ADAMTS14: variants seen among roughly 807,000 people sequenced by gnomAD.
ADAMTS14 encodes A disintegrin and metalloproteinase with thrombospondin motifs 14.
A neutral mutation model predicts 128.6 loss-of-function variants in ADAMTS14; 100 were observed. That is an observed-to-expected ratio of 0.78 (90% CI 0.66 to 0.92). The LOEUF (loss-of-function observed/expected upper bound fraction) is 0.92. Among genes scored for constraint, ADAMTS14 ranks in the 40% least tolerant of loss-of-function variants. The probability of loss-of-function intolerance (pLI) is 0.00; values close to 1 mark genes in which losing one functional copy is unlikely to be tolerated. For synonymous variants in ADAMTS14, 665 were observed against 653.8 expected (o/e 1.02, Z -0.26); for missense variants, 1,562 against 1,658.6 (o/e 0.94, Z 1.01).
At chr10:70,692,418 A>C (rs1028137698) in intron 2 of ADAMTS14, among the ~76,000 whole-genome samples, 1 of 152,194 alleles carries the variant, frequency 6.6e-6, no homozygotes, top group Non-Finnish European at 1.5e-5. Flanking sequence ...CACAGCTGGG[A>C]AGGACCCTGC....
chr10:70,696,042 C>T (rs566786407), intron 2 of ADAMTS14, among the ~76,000 whole-genome samples: 6 of 152,184 alleles, frequency 3.9e-5, no homozygotes, highest in Non-Finnish European at 8.8e-5. Flanking sequence ...GTGTAGACAA[C>T]GCTTTCTGCT....
intron 11 of ADAMTS14, among the ~76,000 whole-genome samples, chr10:70,740,450 T>A (rs1175866430): frequency 1.3e-5 from 2 of 152,196 alleles, no homozygotes; most frequent in Non-Finnish European, 2.9e-5. Context: ...CAAGGGGAAA[T>A]TAAGCCACAG....
At chr10:70,679,492 G>T (rs1839738771) in intron 2 of ADAMTS14, among the ~76,000 whole-genome samples, 1 of 152,186 alleles carries the variant, frequency 6.6e-6, no homozygotes, top group Admixed American at 6.5e-5. Context: ...TGGAGAAGTT[G>T]TGGCGTGCAA....
At position 70,684,538 on chromosome 10, in the gene ADAMTS14, C is replaced by T. The variant is rs77636597; in HGVS notation, c.522+9543C>T. Among the ~76,000 whole-genome samples the T allele has an allele frequency of 8.7e-3, 1,330 of 152,318 alleles. 16 individuals carry two copies. Among genetic ancestry groups the T allele is most frequent in the African/African-American group, 0.031 (1,275 of 41,564 alleles). ...CTTTGCAAATATTCTTCCACATTGC[C>T]CCTAGGCAAGTGATTTGACGTCTCT... On this transcript the variant is annotated intron_variant, in intron 2 of 21. Coordinates refer to ENST00000373207, the MANE Select transcript of ADAMTS14 (RefSeq NM_080722.4).
At chr10:70,721,240 G>T (rs1426533813) in intron 4 of ADAMTS14, among the ~76,000 whole-genome samples, 6 of 151,580 alleles carry the variant, frequency 4.0e-5, no homozygotes, top group South Asian at 2.1e-4. Flanking sequence ...GGTAAGGCTG[G>T]TCTCCAACTC....
At chr10:70,689,128 C>A (rs1840109288) in intron 2 of ADAMTS14, among the ~76,000 whole-genome samples, 2 of 141,616 alleles carry the variant, frequency 1.4e-5, no homozygotes, top group Non-Finnish European at 3.2e-5. Context: ...GCCTTTGAGG[C>A]TTTGTCACTT....
At chr10:70,688,027 C>T (rs1258380676) in intron 2 of ADAMTS14, among the ~76,000 whole-genome samples, 3 of 60,404 alleles carry the variant, frequency 5.0e-5, no homozygotes, top group East Asian at 1.0e-3. Flanking sequence ...CCTCACTTCC[C>T]AGATGGGGTG....
Position 70,757,964 on chromosome 10 carries a change from C to T in ADAMTS14, c.2940C>T (p.Cys980=), listed in dbSNP as rs141787726. 1.2e-6 allele frequency: 2 copies of T among 1,608,722 alleles called. No homozygotes were observed. The highest frequency in any genetic ancestry group is 1.3e-5 in the African/African-American group (1 of 74,902). Residue 980 remains cysteine (C), a splice_region_variant and synonymous_variant, in exon 20 of 22, where the codon TGC becomes TGT. Transcript: ENST00000373207. ...TGGCACTGACCCACCCACGGCAGTG[C>T]TCTGCCACCTGTGGAGAGGGCATCC... ...AQWRLGAWSQ[C]SATCGEGIQQ... is the part of the protein sequence containing the mutation.
At chr10:70,716,596 C>A (rs569398505) in intron 4 of ADAMTS14, among the ~76,000 whole-genome samples, 1 of 152,188 alleles carries the variant, frequency 6.6e-6, no homozygotes, top group Non-Finnish European at 1.5e-5. Context: ...GGATGCTTGA[C>A]GCTCGAATTG....
At chr10:70,741,201 G>A (rs1235742289) in intron 12 of ADAMTS14, 39 bp downstream of exon 12, 1 of 1,599,906 alleles carries the variant, frequency 6.3e-7, no homozygotes. Context: ...CATGTCCTTA[G>A]GCATCTGCGG....
chr10:70,714,675 A>G (rs7078562), intron 4 of ADAMTS14, among the ~76,000 whole-genome samples: 89,456 of 151,954 alleles, frequency 0.59, 27,321 homozygotes, highest in East Asian at 0.8. Flanking sequence ...TTGGCCAGGT[A>G]CAGTGGCTCA....
chr10:70,722,396 G>A (rs555508969), intron 4 of ADAMTS14, among the ~76,000 whole-genome samples: 2 of 152,188 alleles, frequency 1.3e-5, no homozygotes, highest in African/African-American at 2.4e-5. Context: ...CAGGTTCAGA[G>A]GCAGTAAGTG....
chr10:70,746,674 G>A (rs140375452), intron 15 of ADAMTS14, among the ~76,000 whole-genome samples: 3 of 152,356 alleles, frequency 2.0e-5, no homozygotes, highest in African/African-American at 4.8e-5. Flanking sequence ...TCAGCTAGGC[G>A]TGGTGGTGCA....
rs2132766380 is a variant in ADAMTS14, at chr10:70,760,550, A to T, written c.3369A>T (p.Gly1123=). ...CCACTCCTGGAAGCCCCTTACCAGG[A>T]CCCCAGGACCCTGCAGATGCTGCAG... ...PFSTPGSPLP[G]PQDPADAAEP... The change falls in exon 22 of 22, where the codon GGA becomes GGT. Residue 1123 remains glycine, a synonymous_variant. Coordinates refer to ENST00000373207, the MANE Select transcript of ADAMTS14 (RefSeq NM_080722.4). 10 of 1,612,108 alleles carry T rather than the reference A, an allele frequency of 6.2e-6. No individual in the cohort carries two copies. The highest frequency in any genetic ancestry group is 8.5e-6 in the Non-Finnish European group (10 of 1,178,912).
At chr10:70,710,271 G>A (rs1002740820) in intron 4 of ADAMTS14, among the ~76,000 whole-genome samples, 1 of 152,228 alleles carries the variant, frequency 6.6e-6, no homozygotes, top group Non-Finnish European at 1.5e-5. Flanking sequence ...CCAGGTTAAT[G>A]GCTCATCATA....
rs1490631498 is a variant in ADAMTS14, at chr10:70,732,324, C to G, written c.1173C>G (p.Ser391=). The change falls in exon 7 of 22, where the codon TCC becomes TCG. Residue 391 remains serine, a synonymous_variant. Transcript: ENST00000373207. The stretch of plus-strand genomic sequence containing the variant: ...CCCTCAACCATGAGGATGGCTTCTC[C>G]TCAGCCTTCGTGATAGCTCATGAGA... ...SCALNHEDGF[S]SAFVIAHETG... 1 of 1,614,180 alleles carries G rather than the reference C, an allele frequency of 6.2e-7. No individual in the cohort carries two copies. The highest frequency in any genetic ancestry group is 1.1e-5 in the South Asian group (1 of 91,082).
chr10:70,749,353 T>G (rs1401674452), intron 15 of ADAMTS14, among the ~76,000 whole-genome samples: 1 of 152,178 alleles, frequency 6.6e-6, no homozygotes, highest in Non-Finnish European at 1.5e-5. Context: ...ATGGTGAAAC[T>G]GAGGCAGCAC....
At chr10:70,731,562 C>G (rs960850407) in intron 6 of ADAMTS14, among the ~76,000 whole-genome samples, 1 of 152,204 alleles carries the variant, frequency 6.6e-6, no homozygotes, top group Non-Finnish European at 1.5e-5. Context: ...CCCCCCTGCA[C>G]TGCCATGATT....
chr10:70,716,983 C>T (rs1046528334), intron 4 of ADAMTS14, among the ~76,000 whole-genome samples: 3 of 152,200 alleles, frequency 2.0e-5, no homozygotes, highest in Admixed American at 6.5e-5. Context: ...TTGTCGCACA[C>T]GCTGCTGGGC....
Sources: gnomAD v4.1 joint callset for allele counts (sites outside exome capture counted in the v4.1 genomes callset) on GRCh38, gnomAD v4.1.1 for gene constraint, MANE v1.5 for transcripts, NCBI Gene and HGNC (gene_info 2026-07-23, HGNC 2026-07-21) for gene names.